The following PTPRD variants were observed in gnomAD, a reference collection of about 807,000 sequenced individuals.
PTPRD encodes protein tyrosine phosphatase receptor type D.
PTPRD carries 34 observed loss-of-function variants against 214.5 expected under a neutral mutation model. The observed-to-expected ratio is 0.16, with a 90% CI of 0.12 to 0.21. The LOEUF is 0.21. Ranked by LOEUF, PTPRD falls within the 10% of genes least tolerant of loss-of-function variation. The pLI is 1.00. For missense variants in PTPRD, 2,545 were observed against 2,398.7 expected, an observed-to-expected ratio of 1.06 and a Z score of -1.27; for synonymous variants, 1,128 against 845.7, an observed-to-expected ratio of 1.33 and a Z score of -5.79.
chr9:10,559,964 C>A (rs1319611925), intron 2 of PTPRD, among the ~76,000 whole-genome samples: 2 of 152,084 alleles, frequency 1.3e-5, no homozygotes, highest in Non-Finnish European at 2.9e-5. Context: ...GTTGGTGGGA[C>A]CGTAAACTAG....
At chr9:9,965,694 T>C (rs1364683314) in intron 4 of PTPRD, among the ~76,000 whole-genome samples, 3 of 152,232 alleles carry the variant, frequency 2.0e-5, no homozygotes, top group South Asian at 2.1e-4. Context: ...CATCGGCTTT[T>C]AAATTTTGGC....
At chr9:8,363,959 T>C (rs2079133470) in intron 39 of PTPRD, among the ~76,000 whole-genome samples, 1 of 152,252 alleles carries the variant, frequency 6.6e-6, no homozygotes, top group Admixed American at 6.5e-5. Flanking sequence ...CAGCTGTACT[T>C]ATGTTAGAAA....
chr9:10,502,047 G>C (rs2043925171), intron 2 of PTPRD, among the ~76,000 whole-genome samples: 1 of 151,740 alleles, frequency 6.6e-6, no homozygotes, highest in African/African-American at 2.4e-5. Flanking sequence ...AGAAAATCGA[G>C]CTTAATTTTT....
chr9:8,504,713 C>G (rs2097502540), intron 22 of PTPRD, among the ~76,000 whole-genome samples: 1 of 152,188 alleles, frequency 6.6e-6, no homozygotes, highest in African/African-American at 2.4e-5. Flanking sequence ...TGAGTATGTT[C>G]TGCCGTTAAA....
intron 11 of PTPRD, among the ~76,000 whole-genome samples, chr9:8,963,930 T>C (rs531954060): frequency 1.4e-4 from 22 of 152,234 alleles, no homozygotes; most frequent in African/African-American, 4.8e-4. Context: ...AACTTTTTGA[T>C]GTGCTGTTGA....
chr9:9,809,072 C>T (rs1430243323), intron 5 of PTPRD, among the ~76,000 whole-genome samples: 9 of 152,002 alleles, frequency 5.9e-5, no homozygotes, highest in African/African-American at 2.2e-4. Context: ...AGGCAGAAGC[C>T]TCCGTGCCTA....
chr9:10,059,384 C>G (rs909341745), intron 3 of PTPRD, among the ~76,000 whole-genome samples: 2 of 152,082 alleles, frequency 1.3e-5, no homozygotes, highest in African/African-American at 2.4e-5. Flanking sequence ...AGGCCACAGT[C>G]ACAATTGCAG....
chr9:10,255,037 T>C (rs568263729), intron 3 of PTPRD, among the ~76,000 whole-genome samples: 4 of 152,336 alleles, frequency 2.6e-5, no homozygotes, highest in South Asian at 4.1e-4. Flanking sequence ...GCTTTGTAGA[T>C]ATGATGCAAA....
chr9:10,214,509 C>G (rs2099532198), intron 3 of PTPRD, among the ~76,000 whole-genome samples: 1 of 150,144 alleles, frequency 6.7e-6, no homozygotes, highest in South Asian at 2.1e-4. Context: ...CTTCTGACCT[C>G]AGATGATCCA....
At chr9:8,423,471 G>C (rs1439069285) in intron 35 of PTPRD, among the ~76,000 whole-genome samples, 1 of 152,124 alleles carries the variant, frequency 6.6e-6, no homozygotes, top group African/African-American at 2.4e-5. Context: ...TTAAGTTGCA[G>C]AAACATGAAA....
chr9:9,791,089 A>G (rs2098963839), intron 5 of PTPRD, among the ~76,000 whole-genome samples: 1 of 152,106 alleles, frequency 6.6e-6, no homozygotes. Context: ...ACTCTAGTAA[A>G]ATTTTGTTAC....
chr9:10,290,569 G>A (rs763725449), intron 3 of PTPRD, among the ~76,000 whole-genome samples: 1 of 152,056 alleles, frequency 6.6e-6, no homozygotes, highest in Non-Finnish European at 1.5e-5. Flanking sequence ...TATAATATAT[G>A]CATAGAGTAA....
chr9:9,920,227 T>C (rs143306601), intron 5 of PTPRD, among the ~76,000 whole-genome samples: 1 of 152,244 alleles, frequency 6.6e-6, no homozygotes, highest in African/African-American at 2.4e-5. Flanking sequence ...GAACAGTTTG[T>C]TTACCTCAGC....
intron 8 of PTPRD, among the ~76,000 whole-genome samples, chr9:9,531,950 ATATAT>A (rs1313246270): frequency 3.3e-5 from 5 of 151,922 alleles, no homozygotes; most frequent in African/African-American, 4.8e-5. Context: ...ATATACACAC[ATATAT>A]TATATATATA....
chr9:9,842,835 AT>A (rs375517628), intron 5 of PTPRD, among the ~76,000 whole-genome samples: 30 of 151,172 alleles, frequency 2.0e-4, no homozygotes, highest in African/African-American at 3.6e-4. Context: ...TCTTCAGTGG[AT>A]TTTTTTTTGC....
intron 10 of PTPRD, among the ~76,000 whole-genome samples, chr9:9,122,296 C>A (rs1203729207): frequency 1.3e-5 from 2 of 152,068 alleles, no homozygotes; most frequent in African/African-American, 2.4e-5. Flanking sequence ...ATGGGAGGAT[C>A]CTTTGCCTTT....
intron 10 of PTPRD, among the ~76,000 whole-genome samples, chr9:9,114,830 T>A (rs373031409): frequency 4.6e-5 from 7 of 152,252 alleles, no homozygotes; most frequent in African/African-American, 1.7e-4. Flanking sequence ...TTGGGCATTA[T>A]CTAGAAGATA....
chr9:8,351,181 A>G (rs2133202915), intron 39 of PTPRD, among the ~76,000 whole-genome samples: 1 of 152,306 alleles, frequency 6.6e-6, no homozygotes, highest in African/African-American at 2.4e-5. Flanking sequence ...ATAGCATCTA[A>G]GACATTGTCA....
chr9:8,945,078 C>A lies in PTPRD; in HGVS notation c.-104+73619G>T, dbSNP rs201781423. Among the ~76,000 whole-genome samples the A allele has an allele frequency of 2.6e-5, 4 of 151,840 alleles. No homozygotes were observed. In the East Asian group the frequency reaches 5.8e-4, roughly 22 times the overall value. On this transcript the variant is annotated intron_variant, in intron 11 of 45. Transcript: ENST00000381196. ...TAAAAATTTTTTAAAAAGAAAATTA[C>A]AAAAAGGGAAAGAAAACCACAGCAA...
Sources: gnomAD v4.1 joint callset for allele counts (sites outside exome capture counted in the v4.1 genomes callset) on GRCh38, gnomAD v4.1.1 for gene constraint, MANE v1.5 for transcripts, NCBI Gene and HGNC (gene_info 2026-07-23, HGNC 2026-07-21) for gene names.